Variants in CBLB observed in about 807,000 individuals in gnomAD.
The protein encoded by CBLB is Cbl proto-oncogene B, also known as E3 ubiquitin-protein ligase CBL-B.
A neutral mutation model predicts 104.9 loss-of-function variants in CBLB; 31 were observed. The ratio of observed to expected loss-of-function variants is 0.30; its 90% CI spans 0.22 to 0.40. The LOEUF is 0.40. Among genes scored for constraint, CBLB ranks in the 10% least tolerant of loss-of-function variants. The pLI is 1.00. For synonymous variants in CBLB, 440 were observed against 422.6 expected, an observed-to-expected ratio of 1.04 and a Z score of -0.51; for missense variants, 1,062 against 1,214.6, an observed-to-expected ratio of 0.87 and a Z score of 1.87.
At chr3:105,848,639 G>C (rs1230444589) in intron 3 of CBLB, among the ~76,000 whole-genome samples, 1 of 152,006 alleles carries the variant, frequency 6.6e-6, no homozygotes, top group African/African-American at 2.4e-5. Context: ...ATTAAAATAT[G>C]CATTTTGATT....
chr3:105,705,965 C>G (rs1424608077), intron 10 of CBLB, among the ~76,000 whole-genome samples: 1 of 152,038 alleles, frequency 6.6e-6, no homozygotes, highest in African/African-American at 2.4e-5. Context: ...GCAAGACCTC[C>G]TCTTTACTAA....
At chr3:105,713,260 G>A (rs180771993) in intron 10 of CBLB, among the ~76,000 whole-genome samples, 1 of 151,830 alleles carries the variant, frequency 6.6e-6, no homozygotes, top group Non-Finnish European at 1.5e-5. Context: ...GGAGTGGGAG[G>A]GGGTGTTAAA....
At chr3:105,684,842 C>G (rs115808161) in intron 14 of CBLB, among the ~76,000 whole-genome samples, 1 of 152,120 alleles carries the variant, frequency 6.6e-6, no homozygotes, top group Non-Finnish European at 1.5e-5. Context: ...TGAGCCACCA[C>G]GCCTGGCCTA....
intron 3 of CBLB, among the ~76,000 whole-genome samples, chr3:105,811,398 C>T (rs2084274341): frequency 6.6e-6 from 1 of 152,196 alleles, no homozygotes; most frequent in South Asian, 2.1e-4. Context: ...AATTATTTCA[C>T]CTCATGGCCT....
intron 9 of CBLB, among the ~76,000 whole-genome samples, chr3:105,731,392 G>C (rs989135025): frequency 6.6e-6 from 1 of 152,138 alleles, no homozygotes; most frequent in African/African-American, 2.4e-5. Flanking sequence ...ATAGAAACAA[G>C]AGTTAAGGTT....
chr3:105,672,463 C>A, intron 17 of CBLB: 1 of 171,962 alleles, frequency 5.8e-6, no homozygotes, highest in Non-Finnish European at 1.3e-5. Context: ...AGCATTCAGG[C>A]TTTAAAGGGA....
chr3:105,739,757 G>A (rs2075331454), intron 7 of CBLB, among the ~76,000 whole-genome samples: 1 of 151,962 alleles, frequency 6.6e-6, no homozygotes, highest in Non-Finnish European at 1.5e-5. Flanking sequence ...AGGGGTGGAG[G>A]GAGAAACAGA....
At chr3:105,703,951 A>G (rs904979690) in intron 11 of CBLB, 37 bp downstream of exon 11, 1 of 1,586,742 alleles carries the variant, frequency 6.3e-7, no homozygotes, top group South Asian at 1.1e-5. Context: ...ATTGTCTTAC[A>G]AAATTTTCAT....
chr3:105,862,538 G>A lies in CBLB; in HGVS notation c.168+4872C>T, dbSNP rs552957014. Among the ~76,000 whole-genome samples, 144 of 152,202 alleles carry A rather than the reference G, an allele frequency of 9.5e-4. 1 individual carries two copies. Among genetic ancestry groups the A allele is most frequent in the African/African-American group, 3.1e-3 (128 of 41,528 alleles). ...CACCTACTTCCAAGTATCTAGGCCA[G>A]CATTTCATTATTTCTTGCCCAGACT... On this transcript the variant is annotated intron_variant, in intron 2 of 18. Transcript: ENST00000394030.
chr3:105,858,552 CATT>C (rs1221251555), intron 2 of CBLB, among the ~76,000 whole-genome samples: 2 of 152,172 alleles, frequency 1.3e-5, no homozygotes, highest in Non-Finnish European at 1.5e-5. Flanking sequence ...TCTGTAGTCA[CATT>C]ATAAAATGAT....
intron 18 of CBLB, among the ~76,000 whole-genome samples, chr3:105,659,999 G>A (rs1209078482): frequency 9.9e-5 from 15 of 152,090 alleles, no homozygotes; most frequent in Non-Finnish European, 2.1e-4. Context: ...TTAGTCCCTT[G>A]GTGATAATAC....
At chr3:105,857,761 G>C (rs150893214) in intron 2 of CBLB, among the ~76,000 whole-genome samples, 1 of 152,212 alleles carries the variant, frequency 6.6e-6, no homozygotes, top group Admixed American at 6.5e-5. Context: ...CATTGTTTCA[G>C]GCTCTAGGGA....
In CBLB at chr3:105,656,410, T is replaced by G. The variant is rs933780056; in HGVS notation, c.*2560A>C. On this transcript the variant is annotated 3_prime_UTR_variant, in exon 19 of 19. Transcript: ENST00000394030. ...AGTCGCTTTTACAATAAAAAAAAAT[T>G]TTTTTAGGTTTAATTTCATAGGTGA... The G allele has an allele frequency of 4.6e-5, 9 of 197,550 alleles. No individual in the cohort carries two copies. Among genetic ancestry groups the G allele is most frequent in the African/African-American group, 1.8e-4 (8 of 43,276 alleles). 12.2% of individuals were successfully genotyped at this position (197,550 alleles called of 1,614,324 possible).
intron 3 of CBLB, among the ~76,000 whole-genome samples, chr3:105,830,733 A>G (rs1466341512): frequency 6.6e-6 from 1 of 152,234 alleles, no homozygotes; most frequent in Non-Finnish European, 1.5e-5. Context: ...AAGCTTATCT[A>G]AAGAGTAGCC....
In CBLB at chr3:105,678,534, T is replaced by C; in HGVS notation, c.2466A>G (p.Pro822=). The C allele has an allele frequency of 5.0e-6, 8 of 1,613,460 alleles. No individual in the cohort carries two copies. Among genetic ancestry groups the C allele is most frequent in the Non-Finnish European group, 6.8e-6 (8 of 1,179,776 alleles). The change falls in exon 17 of 19, where the codon CCA becomes CCG. Residue 822 remains proline, a synonymous_variant. Coordinates refer to ENST00000394030, the MANE Select transcript of CBLB (RefSeq NM_170662.5). ...DAFDALPPSL[P]PPPPPARHSL... ...TATGCCTTGCAGGAGGTGGGGGAGG[T>C]GGGAGAGATGGAGGGAGGGCATCAA... is the stretch of plus-strand genomic sequence containing the variant.
intron 13 of CBLB, among the ~76,000 whole-genome samples, chr3:105,691,040 T>TA (rs2067627397): frequency 1.3e-5 from 2 of 152,272 alleles, no homozygotes; most frequent in South Asian, 2.1e-4. Flanking sequence ...CAAGTTTAAA[T>TA]AAAAAATGTC....
At chr3:105,735,135 A>T (rs1042068770) in intron 8 of CBLB, among the ~76,000 whole-genome samples, 1 of 152,236 alleles carries the variant, frequency 6.6e-6, no homozygotes, top group Non-Finnish European at 1.5e-5. Flanking sequence ...TTTAGTCCAC[A>T]GACTACTAAA....
At chr3:105,792,711 G>C (rs768740969) in intron 3 of CBLB, among the ~76,000 whole-genome samples, 1 of 152,084 alleles carries the variant, frequency 6.6e-6, no homozygotes, top group African/African-American at 2.4e-5. Context: ...ACAAGAAATG[G>C]AAGAGGACCA....
chr3:105,838,404 C>T (rs922455411), intron 3 of CBLB, among the ~76,000 whole-genome samples: 1 of 151,880 alleles, frequency 6.6e-6, no homozygotes, highest in African/African-American at 2.4e-5. Context: ...AAGGAAAAGA[C>T]ACATTTTAGC....
Sources: allele counts gnomAD v4.1 joint callset (sites outside exome capture counted in the v4.1 genomes callset), GRCh38; gene constraint gnomAD v4.1.1; transcripts MANE v1.5; gene names NCBI Gene and HGNC (gene_info 2026-07-23, HGNC 2026-07-21).